KLF12: variants seen among roughly 807,000 people sequenced by gnomAD.
KLF12 encodes KLF transcription factor 12, also known as Krueppel-like factor 12.
KLF12 carries 9 observed loss-of-function variants against 37.8 expected under a neutral mutation model. The ratio of observed to expected loss-of-function variants is 0.24; its 90% CI spans 0.14 to 0.42. KLF12 has a LOEUF of 0.42. Ranked by LOEUF, KLF12 falls within the 10% of genes least tolerant of loss-of-function variation. The pLI is 1.00. For missense variants in KLF12, 411 were observed against 516.0 expected (o/e 0.80, Z 1.97); for synonymous variants, 208 against 202.1 (o/e 1.03, Z -0.25).
At chr13:73,728,459 C>T (rs747873959) in intron 6 of KLF12, among the ~76,000 whole-genome samples, 7 of 152,264 alleles carry the variant, frequency 4.6e-5, no homozygotes, top group South Asian at 2.1e-4. Context: ...TTAATTGCCT[C>T]GGCTAGAATG....
chr13:73,954,133 C>A (rs1890751033), intron 2 of KLF12, among the ~76,000 whole-genome samples: 1 of 151,918 alleles, frequency 6.6e-6, no homozygotes, highest in African/African-American at 2.4e-5. Flanking sequence ...CACCCGCCAC[C>A]ACGCCTGGCT....
At chr13:73,811,446 T>C (rs968099645) in intron 5 of KLF12, among the ~76,000 whole-genome samples, 3 of 152,156 alleles carry the variant, frequency 2.0e-5, no homozygotes, top group African/African-American at 7.2e-5. Context: ...ATCAGAATAA[T>C]GACTCTTGCT....
At chr13:73,793,196 C>A (rs1160842320) in intron 5 of KLF12, among the ~76,000 whole-genome samples, 1 of 152,190 alleles carries the variant, frequency 6.6e-6, no homozygotes, top group Non-Finnish European at 1.5e-5. Context: ...CATTCACCAT[C>A]TCAAGGATCT....
intron 5 of KLF12, among the ~76,000 whole-genome samples, chr13:73,779,300 C>T: frequency 6.6e-6 from 1 of 152,114 alleles, no homozygotes; most frequent in South Asian, 2.1e-4. Context: ...GAAATTTCAG[C>T]CCCAACCTCC....
chr13:73,891,038 T>C (rs886190503), intron 3 of KLF12, among the ~76,000 whole-genome samples: 8 of 152,092 alleles, frequency 5.3e-5, no homozygotes, highest in South Asian at 4.1e-4. Context: ...TTAAATACTA[T>C]GCAATGTTGA....
intron 1 of KLF12, among the ~76,000 whole-genome samples, chr13:74,000,551 C>A (rs553398557): frequency 6.6e-6 from 1 of 152,294 alleles, no homozygotes; most frequent in East Asian, 1.9e-4. Flanking sequence ...TACGCTTCCA[C>A]CCAAGGATTC....
chr13:73,751,319 C>T (rs1258423947), intron 6 of KLF12, among the ~76,000 whole-genome samples: 1 of 152,164 alleles, frequency 6.6e-6, no homozygotes, highest in African/African-American at 2.4e-5. Flanking sequence ...AATGTTCGTA[C>T]TGTTTTCCAT....
intron 5 of KLF12, among the ~76,000 whole-genome samples, chr13:73,797,115 C>T (rs773772444): frequency 2.0e-5 from 3 of 152,124 alleles, no homozygotes; most frequent in Non-Finnish European, 4.4e-5. Context: ...CTTTGAACTG[C>T]ACCTTTAAAA....
chr13:73,942,310 T>C (rs906595819), intron 3 of KLF12, among the ~76,000 whole-genome samples: 1 of 152,208 alleles, frequency 6.6e-6, no homozygotes, highest in South Asian at 2.1e-4. Context: ...GAAGAAATTA[T>C]TGTGAAATGC....
intron 3 of KLF12, among the ~76,000 whole-genome samples, chr13:73,846,611 T>C (rs993094679): frequency 6.6e-6 from 1 of 152,134 alleles, no homozygotes; most frequent in South Asian, 2.1e-4. Flanking sequence ...TTGGGACAGA[T>C]AGACAATTAT....
At chr13:74,284,840 A>G in the KLF12 span, among the ~76,000 whole-genome samples, 1 of 152,352 alleles carries the variant, frequency 6.6e-6, no homozygotes, top group Admixed American at 6.5e-5. Flanking sequence ...TATTTACACT[A>G]CGGTATAGAA....
At chr13:73,995,902 A>G (rs560293310) in intron 1 of KLF12, among the ~76,000 whole-genome samples, 2 of 152,188 alleles carry the variant, frequency 1.3e-5, no homozygotes, top group Non-Finnish European at 2.9e-5. Context: ...TATTAGGCAC[A>G]GTTGACTTTA....
the KLF12 span, among the ~76,000 whole-genome samples, chr13:74,231,203 AT>A: frequency 0.16 from 24,035 of 147,324 alleles, 2,698 homozygotes; most frequent in African/African-American, 0.33. Flanking sequence ...GGACCATGTC[AT>A]TTTTTTTTTT....
intron 1 of KLF12, among the ~76,000 whole-genome samples, chr13:74,009,548 G>A (rs146743652): frequency 2.9e-4 from 44 of 152,266 alleles, no homozygotes; most frequent in South Asian, 4.1e-4. Flanking sequence ...GTGCTATGCC[G>A]GATTGTTCTG....
At chr13:74,220,747 A>T in the KLF12 span, among the ~76,000 whole-genome samples, 1 of 152,228 alleles carries the variant, frequency 6.6e-6, no homozygotes, top group South Asian at 2.1e-4. Flanking sequence ...TTTGCACTCC[A>T]CATATAAGAT....
chr13:73,952,089 C>G (rs1194432831), intron 2 of KLF12, among the ~76,000 whole-genome samples: 1 of 152,124 alleles, frequency 6.6e-6, no homozygotes, highest in Non-Finnish European at 1.5e-5. Flanking sequence ...AACAATAAAA[C>G]AGAATTTGGC....
At chr13:73,710,378 CTGTGTGTGTGTGTGTGTGTG>C (rs59799453) in intron 7 of KLF12, among the ~76,000 whole-genome samples, 2 of 143,896 alleles carry the variant, frequency 1.4e-5, no homozygotes, top group African/African-American at 5.1e-5. Context: ...AAGATATTGT[CTGTGTGTGTGTGTGTGTGTG>C]TGTGTGTGTG....
intron 2 of KLF12, among the ~76,000 whole-genome samples, chr13:73,945,883 T>C (rs1457942259): frequency 1.3e-5 from 2 of 152,230 alleles, no homozygotes; most frequent in South Asian, 2.1e-4. Flanking sequence ...CTGTGGTATA[T>C]TACTGGTGAG....
At chr13:74,201,014 C>A in the KLF12 span, among the ~76,000 whole-genome samples, 1 of 152,058 alleles carries the variant, frequency 6.6e-6, no homozygotes, top group Non-Finnish European at 1.5e-5. Context: ...CTTGCATAAT[C>A]TTTTTGTTTT....
Sources: gnomAD v4.1 joint callset for allele counts (sites outside exome capture counted in the v4.1 genomes callset) on GRCh38, gnomAD v4.1.1 for gene constraint, MANE v1.5 for transcripts, NCBI Gene and HGNC (gene_info 2026-07-23, HGNC 2026-07-21) for gene names.